LMNTD2: variants seen among roughly 807,000 people sequenced by gnomAD.
The protein encoded by LMNTD2 is lamin tail domain containing 2.
A neutral mutation model predicts 70.1 loss-of-function variants in LMNTD2; 83 were observed. The observed-to-expected ratio is 1.18, with a 90% confidence interval of 0.99 to 1.42. The LOEUF (loss-of-function observed/expected upper bound fraction) is 1.42. Among genes scored for constraint, LMNTD2 ranks in the 40% most tolerant of loss-of-function variants. The pLI is 0.00. For missense variants in LMNTD2, 1,153 were observed against 905.9 expected (o/e 1.27, Z -3.50); for synonymous variants, 534 against 406.1 (o/e 1.31, Z -3.79).
chr11:556,624 G>A (rs749106237), intron 8 of LMNTD2, 36 bp from the exon 9 acceptor site: 8 of 1,460,514 alleles, frequency 5.5e-6, no homozygotes, highest in South Asian at 1.4e-5. Context: ...GGGGACCCTC[G>A]AATGGAGTCC....
In LMNTD2 at chr11:558,435, A is replaced by G. The variant is rs754653307; in HGVS notation, c.311+179T>C. On this transcript the variant is annotated intron_variant, in intron 3 of 13. Coordinates refer to ENST00000329451, the MANE Select transcript of LMNTD2 (RefSeq NM_173573.3). Reference sequence around the variant, plus strand: ...GGACAAGGGTCTAGCACCCATCCACATGCGCAGGGTTAGGGTGGAGGCTAT... The same window carrying G: ...GGACAAGGGTCTAGCACCCATCCACGTGCGCAGGGTTAGGGTGGAGGCTAT... 26 of 998,120 alleles carry G rather than the reference A, an allele frequency of 2.6e-5. 1 individual carries two copies. The African/African-American group carries it at 3.1e-4, about 12-fold the overall frequency. The allele number at this position is 998,120 out of a possible 1,614,324, so 61.8% of individuals were successfully genotyped here.
rs776344348 is a variant in LMNTD2, at chr11:555,952, C to T, written c.1378-22G>A. The T allele has an allele frequency of 9.6e-6, 15 of 1,556,424 alleles. No homozygotes were observed. In the African/African-American group the frequency reaches 2.0e-4, roughly 21 times the overall value. ...GGACCTGCGGGGCGCGTCGGTCACCCCCACACCCCAGCCCCGGCCGCCCCA... is the reference window on the plus strand; with the variant it reads ...GGACCTGCGGGGCGCGTCGGTCACCTCCACACCCCAGCCCCGGCCGCCCCA... On this transcript the variant is annotated intron_variant, in intron 11 of 13. Transcript: ENST00000329451.
intron 3 of LMNTD2, 69 bp from the exon 4 acceptor site, chr11:558,317 CGAA>C: frequency 6.5e-7 from 1 of 1,528,300 alleles, no homozygotes; most frequent in Non-Finnish European, 8.9e-7. Context: ...AGGTCAGTGG[CGAA>C]GGAGGGGAGA....
intron 1 of LMNTD2, chr11:560,225 A>G (rs987096317): frequency 4.5e-5 from 37 of 831,172 alleles, no homozygotes; most frequent in Non-Finnish European, 5.2e-5. Flanking sequence ...CAGAACAATC[A>G]ATGGCCCACA....
Position 555,120 on chromosome 11 carries a change from C to T in LMNTD2, c.1774-9G>A. 2 of 1,313,956 alleles carry T rather than the reference C, an allele frequency of 1.5e-6. No homozygotes were observed. Among genetic ancestry groups the T allele is most frequent in the Non-Finnish European group, 2.0e-6 (2 of 1,012,264 alleles). The allele number at this position is 1,313,956 out of a possible 1,614,324, so 81.4% of individuals were successfully genotyped here. A position where few individuals can be genotyped will look rare whatever the true frequency, so the allele number is the denominator to read the frequency against. ...ACGCTCTTCCGGCACACCTGGGGGG[C>T]GCGGGGGCTGAGAGGCGCGCGGGGC... On this transcript the variant is annotated splice_polypyrimidine_tract_variant and intron_variant, in intron 13 of 13. Coordinates refer to ENST00000329451, the MANE Select transcript of LMNTD2 (RefSeq NM_173573.3).
Position 560,435 on chromosome 11 carries a change from C to T in LMNTD2, c.34+248G>A, listed in dbSNP as rs753018371. On this transcript the variant is annotated intron_variant, in intron 1 of 13. Coordinates refer to ENST00000329451, the MANE Select transcript of LMNTD2 (RefSeq NM_173573.3). ...ACCAGGACTCTGCGCCCGCCAGCTC[C>T]GCAGGGCTCCACCTCCCTCGCCGGG... is the stretch of plus-strand genomic sequence containing the variant. The T allele has an allele frequency of 3.5e-4, 436 of 1,243,508 alleles. 5 individuals carry two copies. The highest frequency in any genetic ancestry group is 3.3e-4 in the Non-Finnish European group (329 of 988,342). The allele number at this position is 1,243,508 out of a possible 1,614,324, so 77.0% of individuals were successfully genotyped here.
chr11:558,215 G>A lies in LMNTD2; in HGVS notation c.345C>T (p.Asn115=), dbSNP rs1284177259. 6.2e-7 allele frequency: 1 copy of A among 1,613,484 alleles called. No homozygotes were observed. The highest frequency in any genetic ancestry group is 1.3e-5 in the African/African-American group (1 of 74,928). Residue 115 remains asparagine (N), a synonymous_variant, in exon 4 of 14, where the codon AAC becomes AAT. Transcript: ENST00000329451. ...ACTCCTGGATCAGCTTCTGGACCTG[G>A]TTCTGCAGGAGTTTCTCCTGACTGT... ...SSHSQEKLLQ[N]QVQKLIQELK... is the part of the protein sequence containing the mutation.
intron 12 of LMNTD2, 42 bp downstream of exon 12, chr11:555,692 C>T (rs1852807418): frequency 1.5e-6 from 2 of 1,368,526 alleles, no homozygotes; most frequent in Non-Finnish European, 9.4e-7. Context: ...TGGGTCGGGG[C>T]CTGGGGAGGG....
At chr11:559,823 G>A (rs1853162939) in intron 1 of LMNTD2, 6 of 938,896 alleles carry the variant, frequency 6.4e-6, no homozygotes, top group African/African-American at 1.7e-5. Context: ...GCTTCGGTGT[G>A]ATGACAGCGC....
chr11:558,011 A>T lies in LMNTD2; in HGVS notation c.428T>A (p.Leu143Gln). The T allele has an allele frequency of 6.3e-7, 1 of 1,583,986 alleles. No individual in the cohort carries two copies. The highest frequency in any genetic ancestry group is 8.6e-7 in the Non-Finnish European group (1 of 1,162,884). Residue 143 changes from leucine (L) to glutamine (Q), a missense_variant, in exon 5 of 14, where the codon CTG becomes CAG. Physicochemically the swap from Leu to Gln is moderately radical, Grantham distance 113. Transcript: ENST00000329451. ...WEKEHLEERL[L>Q]QTTRTLQEME... is the part of the protein sequence containing the mutation. Reference sequence around the variant, plus strand: ...CTCCTGGAGCGTGCGGGTGGTCTGCAGCAGCCGCTCCTCCAGGTGCTCCTT... The same window carrying T: ...CTCCTGGAGCGTGCGGGTGGTCTGCTGCAGCCGCTCCTCCAGGTGCTCCTT...
At chr11:556,760 C>T (rs1027256227) in intron 8 of LMNTD2, 75 bp downstream of exon 8, 2 of 1,463,958 alleles carry the variant, frequency 1.4e-6, no homozygotes, top group Admixed American at 2.4e-5. Flanking sequence ...ACCTCCAGGG[C>T]TCTGAGTGAG....
intron 1 of LMNTD2, chr11:560,156 G>A (rs1853182426): frequency 1.3e-5 from 4 of 304,564 alleles, no homozygotes; most frequent in Non-Finnish European, 1.4e-5. Context: ...GGGCTCCCTG[G>A]GGGAGCACAG....
intron 7 of LMNTD2, 98 bp from the exon 8 acceptor site, chr11:557,195 C>T: frequency 2.1e-6 from 3 of 1,460,630 alleles, no homozygotes; most frequent in Non-Finnish European, 9.1e-7. Flanking sequence ...GCCCCTCTTG[C>T]CTCCCAGTAC....
At position 555,991 on chromosome 11, in the gene LMNTD2, C is replaced by G; in HGVS notation, c.1377+5G>C. The G allele has an allele frequency of 6.4e-7, 1 of 1,557,916 alleles. No homozygotes were observed. The highest frequency in any genetic ancestry group is 1.2e-5 in the South Asian group (1 of 86,822). On this transcript the variant is annotated splice_donor_5th_base_variant and intron_variant, in intron 11 of 13. Coordinates refer to ENST00000329451, the MANE Select transcript of LMNTD2 (RefSeq NM_173573.3). ...CCGGCCGCCCCACCGGGGACCCGCA[C>G]CGACCTCGCCCTTGGGGCTCAGGAG... is the stretch of plus-strand genomic sequence containing the variant.
rs1852857019 is a variant in LMNTD2, at chr11:556,178, G to A, written c.1257+14C>T. 2 of 1,339,866 alleles carry A rather than the reference G, an allele frequency of 1.5e-6. No individual in the cohort carries two copies. The highest frequency in any genetic ancestry group is 4.1e-5 in the Admixed American group (1 of 24,576). The allele number at this position is 1,339,866 out of a possible 1,614,324, so 83.0% of individuals were successfully genotyped here. A position where few individuals can be genotyped will look rare whatever the true frequency, so the allele number is the denominator to read the frequency against. On this transcript the variant is annotated intron_variant, in intron 10 of 13. Coordinates refer to ENST00000329451, the MANE Select transcript of LMNTD2 (RefSeq NM_173573.3). Reference sequence around the variant, plus strand: ...GCCGGGCCGTCGGGGCCGGGCTCCCGGGCCGGGGCGCACCGTGACGTGGTG... The same window carrying A: ...GCCGGGCCGTCGGGGCCGGGCTCCCAGGCCGGGGCGCACCGTGACGTGGTG...
rs1186991211 is a variant in LMNTD2, at chr11:556,108, C to T, written c.1265G>A (p.Gly422Asp). 50 of 1,498,102 alleles carry T rather than the reference C, an allele frequency of 3.3e-5. No individual in the cohort carries two copies. Among genetic ancestry groups the T allele is most frequent in the Middle Eastern group, 2.3e-4 (1 of 4,278 alleles). The allele number at this position is 1,498,102 out of a possible 1,614,324, so 92.8% of individuals were successfully genotyped here. Residue 422 changes from glycine to aspartate, a missense_variant, in exon 11 of 14, where the codon GGC becomes GAC. Gly to Asp is a moderately conservative substitution (Grantham distance 94). Coordinates refer to ENST00000329451, the MANE Select transcript of LMNTD2 (RefSeq NM_173573.3). Reference protein sequence around the residue: ...LAPRHHVTVWGEATRSAKKPL... With the variant: ...LAPRHHVTVWDEATRSAKKPL... Reference sequence around the variant, plus strand: ...CTTCTTGGCGCTGCGGGTCGCCTCGCCCCAGACCTGGAGGGGCGTGGAGCG... The same window carrying T: ...CTTCTTGGCGCTGCGGGTCGCCTCGTCCCAGACCTGGAGGGGCGTGGAGCG...
chr11:558,303 T>G, intron 3 of LMNTD2, 55 bp from the exon 4 acceptor site: 1 of 1,574,278 alleles, frequency 6.4e-7, no homozygotes, highest in South Asian at 1.1e-5. Context: ...GGGTTCCTAA[T>G]GTCAGGTCAG....
At chr11:555,280 G>GGCGCACCCGCAAGCGCGC (rs1852769021) in intron 13 of LMNTD2, 25 bp downstream of exon 13, 12 of 1,371,688 alleles carry the variant, frequency 8.7e-6, no homozygotes, top group Non-Finnish European at 1.1e-5. Flanking sequence ...GAGAGGAGGG[G>GGCGCACCCGCAAGCGCGC]GCGCACCCGC....
chr11:557,605 G>A lies in LMNTD2; in HGVS notation c.591C>T (p.Asp197=), dbSNP rs1360685521. 5.0e-6 allele frequency: 8 copies of A among 1,613,190 alleles called. No individual in the cohort carries two copies. The highest frequency in any genetic ancestry group is 1.3e-5 in the African/African-American group (1 of 74,926). The change falls in exon 6 of 14, where the codon GAC becomes GAT. Residue 197 remains aspartate, a synonymous_variant. Coordinates refer to ENST00000329451, the MANE Select transcript of LMNTD2 (RefSeq NM_173573.3). ...VTAETLMDPS[D]LSENIQAPTG... The stretch of plus-strand genomic sequence containing the variant: ...TGGGGGCCTGAATGTTTTCAGAGAG[G>A]TCGCTTGGGTCCATCAGAGTCTCTG...
Sources: allele counts gnomAD v4.1 joint callset, GRCh38; gene constraint gnomAD v4.1.1; transcripts MANE v1.5; gene names NCBI Gene and HGNC (gene_info 2026-07-23, HGNC 2026-07-21).